Variants in GLIPR1L1 observed in about 807,000 individuals in gnomAD.
GLIPR1L1 encodes the protein GLIPR1-like protein 1.
Under a neutral mutation model 29.9 loss-of-function variants are expected in GLIPR1L1, and 26 were observed. The observed-to-expected ratio is 0.87, with a 90% CI of 0.64 to 1.21. The LOEUF (loss-of-function observed/expected upper bound fraction) is 1.21. Ranked by LOEUF, GLIPR1L1 falls within the 50% of genes most tolerant of loss-of-function variation. The probability of loss-of-function intolerance (pLI) is 0.00; values close to 1 mark genes in which losing one functional copy is unlikely to be tolerated. For missense variants in GLIPR1L1, 305 were observed against 290.3 expected, an observed-to-expected ratio of 1.05 and a Z score of -0.37; for synonymous variants, 77 against 97.5, an observed-to-expected ratio of 0.79 and a Z score of 1.24.
chr12:75,342,654 T>C (rs145829274), intron 1 of GLIPR1L1, among the ~76,000 whole-genome samples: 57 of 152,254 alleles, frequency 3.7e-4, no homozygotes, highest in African/African-American at 1.3e-3. Flanking sequence ...ATTTAAAAGA[T>C]TGTCTGAGCT....
intron 3 of GLIPR1L1, among the ~76,000 whole-genome samples, chr12:75,357,707 G>T (rs555881868): frequency 1.3e-5 from 2 of 151,896 alleles, no homozygotes; most frequent in Admixed American, 6.6e-5. Context: ...AAAAACCATT[G>T]TCCAATGTCC....
intron 3 of GLIPR1L1, among the ~76,000 whole-genome samples, chr12:75,357,744 A>G (rs1364618191): frequency 6.6e-6 from 1 of 152,088 alleles, no homozygotes; most frequent in African/African-American, 2.4e-5. Flanking sequence ...ATACTAACAT[A>G]CTTCTAAATA....
intron 1 of GLIPR1L1, among the ~76,000 whole-genome samples, chr12:75,341,007 G>A (rs1490437277): frequency 6.6e-6 from 1 of 151,654 alleles, no homozygotes; most frequent in Non-Finnish European, 1.5e-5. Flanking sequence ...AGCCACTCTA[G>A]GAAATAGTTT....
At chr12:75,336,607 C>T (rs1291004239) in intron 1 of GLIPR1L1, among the ~76,000 whole-genome samples, 1 of 151,710 alleles carries the variant, frequency 6.6e-6, no homozygotes, top group East Asian at 1.9e-4. Context: ...ACAAAAGACA[C>T]AGCAATCTTC....
chr12:75,341,052 AC>A (rs2042070364), intron 1 of GLIPR1L1, among the ~76,000 whole-genome samples: 2 of 152,178 alleles, frequency 1.3e-5, no homozygotes, highest in Admixed American at 6.5e-5. Flanking sequence ...GAACACCTAA[AC>A]ATACACTTAC....
At chr12:75,340,926 T>C (rs1270847450) in intron 1 of GLIPR1L1, among the ~76,000 whole-genome samples, 1 of 151,736 alleles carries the variant, frequency 6.6e-6, no homozygotes, top group Non-Finnish European at 1.5e-5. Context: ...ATAATGACAA[T>C]ACCAAATACT....
At chr12:75,367,118 C>T in intron 4 of GLIPR1L1, 1 of 680,740 alleles carries the variant, frequency 1.5e-6, no homozygotes, top group East Asian at 2.7e-5. Flanking sequence ...ATGGAGAAGA[C>T]ACTTTAGAAT....
At position 75,367,053 on chromosome 12, in the gene GLIPR1L1, T is replaced by A. The variant is rs1177727483; in HGVS notation, c.611-2907T>A. The A allele has an allele frequency of 7.1e-6, 5 of 699,982 alleles. No homozygotes were observed. The East Asian group carries it at 8.1e-5, about 11-fold the overall frequency. 43.4% of individuals were successfully genotyped at this position (699,982 alleles called of 1,614,324 possible). A position where few individuals can be genotyped will look rare whatever the true frequency, so the allele number is the denominator to read the frequency against. On this transcript the variant is annotated intron_variant, in intron 4 of 5. Coordinates refer to ENST00000378695, the MANE Select transcript of GLIPR1L1 (RefSeq NM_001304964.2). ...TATCTCTAAAAATGACAGTTTAAGT[T>A]TCTCACAAAAATGCACAGACAAGCC...
intron 1 of GLIPR1L1, among the ~76,000 whole-genome samples, chr12:75,340,306 T>C (rs1018121454): frequency 6.6e-6 from 1 of 151,944 alleles, no homozygotes; most frequent in Non-Finnish European, 1.5e-5. Context: ...TATTTTCCTC[T>C]GCGTAGATTT....
At chr12:75,363,976 G>A (rs2043794629) in intron 4 of GLIPR1L1, among the ~76,000 whole-genome samples, 1 of 152,186 alleles carries the variant, frequency 6.6e-6, no homozygotes, top group South Asian at 2.1e-4. Context: ...AATTGGTTGA[G>A]TTAAGTAATT....
chr12:75,357,215 G>C (rs896782511), intron 3 of GLIPR1L1, among the ~76,000 whole-genome samples: 1 of 151,986 alleles, frequency 6.6e-6, no homozygotes, highest in African/African-American at 2.4e-5. Flanking sequence ...ATGCTGCACT[G>C]TTTACATTAG....
intron 1 of GLIPR1L1, among the ~76,000 whole-genome samples, chr12:75,341,608 G>A (rs1195477962): frequency 6.6e-6 from 1 of 151,526 alleles, no homozygotes; most frequent in Non-Finnish European, 1.5e-5. Context: ...CACCACGCCC[G>A]CAGAATTTTT....
At chr12:75,350,893 A>G (rs2042765189) in intron 3 of GLIPR1L1, among the ~76,000 whole-genome samples, 1 of 152,208 alleles carries the variant, frequency 6.6e-6, no homozygotes. Context: ...ATAATAATGA[A>G]CTTCACTGAG....
intron 1 of GLIPR1L1, among the ~76,000 whole-genome samples, chr12:75,337,362 T>C (rs1324847085): frequency 6.6e-6 from 1 of 151,690 alleles, no homozygotes; most frequent in African/African-American, 2.4e-5. Flanking sequence ...AAAAAAAAGA[T>C]TAATGAAGAA....
At position 75,350,271 on chromosome 12, in the gene GLIPR1L1, C is replaced by G. The variant is rs375409938; in HGVS notation, c.521+2549C>G. On this transcript the variant is annotated intron_variant, in intron 3 of 5. Transcript: ENST00000378695. ...GAGGAGCCCCTAGGAGGAGGGGCAG[C>G]CACAGTATCATGGACTGCAATCTTA... Among the ~76,000 whole-genome samples the G allele has an allele frequency of 2.2e-3, 329 of 152,328 alleles. 18 individuals are homozygous for G. In the South Asian group the frequency reaches 0.064, roughly 30 times the overall value.
In GLIPR1L1 at chr12:75,357,539, C is replaced by T. The variant is rs139965645; in HGVS notation, c.522-5563C>T. ...ATGGACATGGTAGACTATACCACCC[C>T]AAAACAGAGGAATATATATTTCTTC... On this transcript the variant is annotated intron_variant, in intron 3 of 5. Coordinates refer to ENST00000378695, the MANE Select transcript of GLIPR1L1 (RefSeq NM_001304964.2). Among the ~76,000 whole-genome samples, 170 of 151,978 alleles carry T rather than the reference C, an allele frequency of 1.1e-3. 1 individual carries two copies. The highest frequency in any genetic ancestry group is 3.6e-3 in the African/African-American group (150 of 41,452).
chr12:75,364,234 C>T (rs907294982), intron 4 of GLIPR1L1, among the ~76,000 whole-genome samples: 1 of 152,198 alleles, frequency 6.6e-6, no homozygotes, highest in South Asian at 2.1e-4. Flanking sequence ...CTGACCTCCC[C>T]TTTCCCATCA....
intron 1 of GLIPR1L1, among the ~76,000 whole-genome samples, chr12:75,339,108 G>A (rs547679421): frequency 2.0e-4 from 31 of 152,240 alleles, no homozygotes; most frequent in Non-Finnish European, 3.8e-4. Flanking sequence ...ATTCCTTTGG[G>A]TACATACCCA....
intron 2 of GLIPR1L1, among the ~76,000 whole-genome samples, chr12:75,347,072 C>T (rs2042502243): frequency 6.6e-6 from 1 of 151,250 alleles, no homozygotes; most frequent in Non-Finnish European, 1.5e-5. Context: ...TTCTTTGCAA[C>T]TAGATAAAAA....
Sources: allele counts gnomAD v4.1 joint callset (sites outside exome capture counted in the v4.1 genomes callset), GRCh38; gene constraint gnomAD v4.1.1; transcripts MANE v1.5; gene names NCBI Gene and HGNC (gene_info 2026-07-23, HGNC 2026-07-21).